SPHK1: variants seen among roughly 807,000 people sequenced by gnomAD.
SPHK1 encodes the protein sphingosine kinase 1, also known as SK 1.
In SPHK1, 10 loss-of-function variants were observed where a neutral mutation model predicts 14.6. The observed-to-expected ratio is 0.68, with a 90% CI of 0.42 to 1.16. The LOEUF (loss-of-function observed/expected upper bound fraction) is 1.16. Ranked by LOEUF, SPHK1 falls within the 50% of genes most tolerant of loss-of-function variation. The probability of loss-of-function intolerance (pLI) is 0.00; values close to 1 mark genes in which losing one functional copy is unlikely to be tolerated. For synonymous variants in SPHK1, 274 were observed against 224.0 expected, an observed-to-expected ratio of 1.22 and a Z score of -1.99; for missense variants, 553 against 525.4, an observed-to-expected ratio of 1.05 and a Z score of -0.51.
chr17:76,383,438 A>T (rs2071900299), upstream of SPHK1: 1 of 176,894 alleles, frequency 5.7e-6, no homozygotes, highest in South Asian at 8.5e-5. Flanking sequence ...GACACCGCGG[A>T]GGCGTGCCGG....
Position 76,385,906 on chromosome 17 carries a change from C to T in SPHK1, c.11-79C>T, listed in dbSNP as rs1245395624. 2 of 1,513,554 alleles carry T rather than the reference C, an allele frequency of 1.3e-6. No homozygotes were observed. The highest frequency in any genetic ancestry group is 2.8e-5 in the African/African-American group (2 of 71,962). The allele number at this position is 1,513,554 out of a possible 1,614,324, so 93.8% of individuals were successfully genotyped here. ...CCGGGGTGTTTCGGGCACCAAGTTCCCACACTAGTGCCCCATTGTTACCCG... is the reference window on the plus strand; with the variant it reads ...CCGGGGTGTTTCGGGCACCAAGTTCTCACACTAGTGCCCCATTGTTACCCG... On this transcript the variant is annotated intron_variant, in intron 2 of 5. Coordinates refer to ENST00000592299, the MANE Select transcript of SPHK1 (RefSeq NM_001142601.2). This position sits in a 1 kb window ranked among gnomAD's most constrained non-coding sequence, Gnocchi z 5.3.
chr17:76,385,398 A>C lies in SPHK1; in HGVS notation c.-194-53A>C, dbSNP rs1267748559. ...CCCGGGATTTAGTCGGGCGCTCCCC[A>C]CCTCTGGCAGCTGCGGCCCCGGACT... On this transcript the variant is annotated intron_variant, in intron 1 of 5. Transcript: ENST00000592299. This position sits in a 1 kb window ranked among gnomAD's most constrained non-coding sequence, Gnocchi z 5.3. 4.1e-6 allele frequency: 6 copies of C among 1,468,036 alleles called. No individual in the cohort carries two copies. The highest frequency in any genetic ancestry group is 4.5e-6 in the Non-Finnish European group (5 of 1,113,132). 90.9% of individuals were successfully genotyped at this position (1,468,036 alleles called of 1,614,324 possible).
rs1391713734 is a variant in SPHK1, at chr17:76,387,122, C to T, written c.691C>T (p.Gln231Ter). ...KTPASPVVVQ[Q>*]GPVDAHLVPL... ...ACCTGCCTCCCCCGTTGTGGTCCAG[C>T]AGGGCCCGGTAGATGCACACCTTGT... Residue 231 changes from glutamine to a stop codon, truncating the protein, a stop_gained, in exon 6 of 6, where the codon CAG becomes TAG. Coordinates refer to ENST00000592299, the MANE Select transcript of SPHK1 (RefSeq NM_001142601.2). LOFTEE classifies it low-confidence loss of function (END_TRUNC). This position sits in a 1 kb window ranked among gnomAD's most constrained non-coding sequence, Gnocchi z 4.1. 4.3e-6 allele frequency: 7 copies of T among 1,613,138 alleles called. No homozygotes were observed. Among genetic ancestry groups the T allele is most frequent in the African/African-American group, 1.3e-5 (1 of 74,926 alleles).
upstream of SPHK1, chr17:76,384,017 C>T: frequency 1.6e-5 from 7 of 450,908 alleles, no homozygotes; most frequent in Non-Finnish European, 2.4e-5. Flanking sequence ...AAATAACCTC[C>T]GTGGGAGCGC....
In SPHK1 at chr17:76,387,289, T is replaced by C. The variant is rs1266114618; in HGVS notation, c.858T>C (p.His286=). 1 of 1,613,592 alleles carries C rather than the reference T, an allele frequency of 6.2e-7. No homozygotes were observed. Among genetic ancestry groups the C allele is most frequent in the East Asian group, 2.2e-5 (1 of 44,850 alleles). Residue 286 remains histidine, a synonymous_variant, in exon 6 of 6, where the codon CAT becomes CAC. Transcript: ENST00000592299. The surrounding 1 kb of genome is among the most constrained non-coding windows in gnomAD (Gnocchi z 4.1). Reference sequence around the variant, plus strand: ...GCCGCTGTGCAGCTGGCGTCATGCATCTGTTCTACGTGCGGGCGGGAGTGT... The same window carrying C: ...GCCGCTGTGCAGCTGGCGTCATGCACCTGTTCTACGTGCGGGCGGGAGTGT... The part of the protein sequence containing the change: ...PMGRCAAGVM[H]LFYVRAGVSR...
rs921374010 is a variant in SPHK1, at chr17:76,385,359, T to TC, written c.-194-88dup. ...TCTCTGGACTTCCCGGGAACCTGGC[T>TC]CCCCGCGCGTGGTCCCGGGATTTAG... On this transcript the variant is annotated intron_variant, in intron 1 of 5. Transcript: ENST00000592299. This position sits in a 1 kb window ranked among gnomAD's most constrained non-coding sequence, Gnocchi z 5.3. The TC allele has an allele frequency of 4.1e-5, 60 of 1,447,832 alleles. No homozygotes were observed. In the African/African-American group the frequency reaches 7.5e-4, roughly 18 times the overall value. 89.7% of individuals were successfully genotyped at this position (1,447,832 alleles called of 1,614,324 possible). A position where few individuals can be genotyped will look rare whatever the true frequency, so the allele number is the denominator to read the frequency against.
chr17:76,385,462 G>T lies in SPHK1; in HGVS notation c.-183G>T, dbSNP rs749958859. ...CTTCTCTCCCTCAGGTCCAGCCGCC[G>T]CAGGGAATGACGCCGGTGCTCCTGC... On this transcript the variant is annotated 5_prime_UTR_variant, in exon 2 of 6. Transcript: ENST00000592299. The surrounding 1 kb of genome is among the most constrained non-coding windows in gnomAD (Gnocchi z 5.3). The T allele has an allele frequency of 1.9e-6, 3 of 1,552,818 alleles. No homozygotes were observed. The highest frequency in any genetic ancestry group is 2.4e-5 in the East Asian group (1 of 42,516).
At position 76,386,968 on chromosome 17, in the gene SPHK1, A is replaced by G. The variant is rs1371981350; in HGVS notation, c.537A>G (p.Leu179=). 1.2e-6 allele frequency: 2 copies of G among 1,613,426 alleles called. No individual in the cohort carries two copies. Among genetic ancestry groups the G allele is most frequent in the African/African-American group, 2.7e-5 (2 of 74,886 alleles). ...GGGGCTTCATTGCTGATGTGGACCT[A>G]GAGAGTGAGAAGTATCGGCGTCTGG... ...LAWGFIADVD[L]ESEKYRRLGE... The change falls in exon 6 of 6, where the codon CTA becomes CTG. Residue 179 remains leucine, a synonymous_variant. Transcript: ENST00000592299. The surrounding 1 kb of genome is among the most constrained non-coding windows in gnomAD (Gnocchi z 5.3).
Position 76,385,815 on chromosome 17 carries a change from G to T in SPHK1, c.10+161G>T. The T allele has an allele frequency of 7.0e-7, 1 of 1,422,040 alleles. No individual in the cohort carries two copies. Among genetic ancestry groups the T allele is most frequent in the South Asian group, 1.2e-5 (1 of 80,424 alleles). The allele number at this position is 1,422,040 out of a possible 1,614,324, so 88.1% of individuals were successfully genotyped here. ...CGAATCTGAGCCAAGGAAGGGGGTG[G>T]CAGGGGCGCCGCGTCCCCACCCCAG... On this transcript the variant is annotated intron_variant, in intron 2 of 5. Transcript: ENST00000592299. The surrounding 1 kb of genome is among the most constrained non-coding windows in gnomAD (Gnocchi z 5.3).
rs1389310844 is a variant in SPHK1 at position 76,386,780 on chromosome 17, C to A, written c.375-26C>A. The A allele has an allele frequency of 3.9e-6, 6 of 1,526,098 alleles. No homozygotes were observed. The highest frequency in any genetic ancestry group is 5.3e-6 in the Non-Finnish European group (6 of 1,137,466). 94.5% of individuals were successfully genotyped at this position (1,526,098 alleles called of 1,614,324 possible). A position where few individuals can be genotyped will look rare whatever the true frequency, so the allele number is the denominator to read the frequency against. ...GGGATACATGGGGGCTCCTGTCCTGCCTTATCTGACTTTTTCCCCCTGCAG... is the reference window on the plus strand; with the variant it reads ...GGGATACATGGGGGCTCCTGTCCTGACTTATCTGACTTTTTCCCCCTGCAG... On this transcript the variant is annotated intron_variant, in intron 5 of 5. Transcript: ENST00000592299. The surrounding 1 kb of genome is among the most constrained non-coding windows in gnomAD (Gnocchi z 5.3).
chr17:76,383,775 AG>A, upstream of SPHK1: 1 of 1,198,060 alleles, frequency 8.3e-7, no homozygotes, highest in African/African-American at 1.6e-5. Flanking sequence ...CCTCCAAAGA[AG>A]TGACAACTTC....
Position 76,386,443 on chromosome 17 carries a change from G to A in SPHK1, c.309G>A (p.Lys103=). The A allele has an allele frequency of 6.2e-7, 1 of 1,613,084 alleles. No homozygotes were observed. The highest frequency in any genetic ancestry group is 8.5e-7 in the Non-Finnish European group (1 of 1,179,948). The change falls in exon 5 of 6, where the codon AAG becomes AAA. Residue 103 remains lysine, a synonymous_variant. Transcript: ENST00000592299. This position sits in a 1 kb window ranked among gnomAD's most constrained non-coding sequence, Gnocchi z 5.3. ...CTGACTGGGAGACCGCCATCCAGAA[G>A]CCCCTGTGTAGCCTCCCAGCAGGCT... ...ERPDWETAIQ[K]PLCSLPAGSG...
rs766383520 is a variant in SPHK1 at position 76,386,800 on chromosome 17, C to T, written c.375-6C>T. ...TCCTGCCTTATCTGACTTTTTCCCC[C>T]TGCAGCTATGAGCAGGTCACCAATG... On this transcript the variant is annotated splice_polypyrimidine_tract_variant and splice_region_variant and intron_variant, in intron 5 of 5. Transcript: ENST00000592299. This position sits in a 1 kb window ranked among gnomAD's most constrained non-coding sequence, Gnocchi z 5.3. 4 of 1,532,310 alleles carry T rather than the reference C, an allele frequency of 2.6e-6. No individual in the cohort carries two copies. The highest frequency in any genetic ancestry group is 2.6e-5 in the South Asian group (2 of 77,786). 94.9% of individuals were successfully genotyped at this position (1,532,310 alleles called of 1,614,324 possible).
chr17:76,387,343 G>C lies in SPHK1; in HGVS notation c.912G>C (p.Leu304=). The C allele has an allele frequency of 6.8e-6, 11 of 1,613,822 alleles. No individual in the cohort carries two copies. The highest frequency in any genetic ancestry group is 9.3e-6 in the Non-Finnish European group (11 of 1,180,014). The change falls in exon 6 of 6, where the codon CTG becomes CTC. Residue 304 remains leucine, a synonymous_variant. Transcript: ENST00000592299. The surrounding 1 kb of genome is among the most constrained non-coding windows in gnomAD (Gnocchi z 4.1). Reference sequence around the variant, plus strand: ...GTGCCATGCTGCTGCGCCTCTTCCTGGCCATGGAGAAGGGCAGGCATATGG... The same window carrying C: ...GTGCCATGCTGCTGCGCCTCTTCCTCGCCATGGAGAAGGGCAGGCATATGG... ...VSRAMLLRLF[L]AMEKGRHMEY... is the part of the protein sequence containing the mutation.
Position 76,385,505 on chromosome 17 carries a change from G to A in SPHK1, c.-140G>A. ...GCTCCTGCAGCCACGGCTCCGGGCG[G>A]GGAAGGCGAGCCCCACAGCCGGCCC... On this transcript the variant is annotated 5_prime_UTR_variant, in exon 2 of 6. Coordinates refer to ENST00000592299, the MANE Select transcript of SPHK1 (RefSeq NM_001142601.2). The surrounding 1 kb of genome is among the most constrained non-coding windows in gnomAD (Gnocchi z 5.3). The A allele has an allele frequency of 6.4e-7, 1 of 1,552,712 alleles. No individual in the cohort carries two copies. Among genetic ancestry groups the A allele is most frequent in the Middle Eastern group, 2.3e-4 (1 of 4,434 alleles).
upstream of SPHK1, chr17:76,383,559 G>T (rs920964630): frequency 2.7e-4 from 70 of 264,128 alleles, no homozygotes; most frequent in Non-Finnish European, 4.9e-4. Flanking sequence ...GCCGGCGGGG[G>T]CGCGCGAGCC....
chr17:76,385,157 GCAGCCCC>G lies in SPHK1; in HGVS notation c.-194-293_-194-287del. 5 of 1,594,806 alleles carry G rather than the reference GCAGCCCC, an allele frequency of 3.1e-6. No homozygotes were observed. The highest frequency in any genetic ancestry group is 4.3e-6 in the Non-Finnish European group (5 of 1,172,158). Reference sequence around the variant, plus strand: ...ACGCAGCTGGACTCCCCTCCCCCTGGCAGCCCCGAGGGGTGAGGAGCTAGTCCGTCGG... The same window carrying G: ...ACGCAGCTGGACTCCCCTCCCCCTGGGAGGGGTGAGGAGCTAGTCCGTCGG... On this transcript the variant is annotated intron_variant, in intron 1 of 5. Coordinates refer to ENST00000592299, the MANE Select transcript of SPHK1 (RefSeq NM_001142601.2). This position sits in a 1 kb window ranked among gnomAD's most constrained non-coding sequence, Gnocchi z 5.3.
At chr17:76,384,032 G>A (rs1403185904), upstream of SPHK1, 1 of 362,482 alleles carries the variant, frequency 2.8e-6, no homozygotes, top group Non-Finnish European at 4.8e-6. Flanking sequence ...GAGCGCGGGG[G>A]AGGAAGAAAG....
Position 76,385,127 on chromosome 17 carries a change from T to A in SPHK1, c.-195+321T>A. On this transcript the variant is annotated intron_variant, in intron 1 of 5. Coordinates refer to ENST00000592299, the MANE Select transcript of SPHK1 (RefSeq NM_001142601.2). The surrounding 1 kb of genome is among the most constrained non-coding windows in gnomAD (Gnocchi z 5.3). ...AGCAATGTCCGCTCAAGTTCTGGGA[T>A]TTTTACGCAGCTGGACTCCCCTCCC... 1 of 1,591,292 alleles carries A rather than the reference T, an allele frequency of 6.3e-7. No individual in the cohort carries two copies. Among genetic ancestry groups the A allele is most frequent in the Non-Finnish European group, 8.5e-7 (1 of 1,170,030 alleles).
Sources: allele counts gnomAD v4.1 joint callset, GRCh38; gene constraint gnomAD v4.1.1; non-coding constraint Gnocchi (gnomAD v3.1); transcripts MANE v1.5; gene names NCBI Gene and HGNC (gene_info 2026-07-23, HGNC 2026-07-21).